Variants in MACROH2A2 observed in about 807,000 individuals in gnomAD.
MACROH2A2 encodes macroH2A.2 histone.
A neutral mutation model predicts 37.6 loss-of-function variants in MACROH2A2; 6 were observed. That is an observed-to-expected ratio of 0.16 (90% CI 0.09 to 0.32). The LOEUF is 0.32. MACROH2A2 is among the 10% of genes least tolerant of loss of function. The pLI is 1.00. For missense variants in MACROH2A2, 290 were observed against 485.9 expected, an observed-to-expected ratio of 0.60 and a Z score of 3.79; for synonymous variants, 192 against 202.7, an observed-to-expected ratio of 0.95 and a Z score of 0.45.
chr10:70,068,991 G>A (rs555620578), intron 1 of MACROH2A2, among the ~76,000 whole-genome samples: 9 of 152,278 alleles, frequency 5.9e-5, no homozygotes, highest in Admixed American at 3.9e-4. Flanking sequence ...TGATGGTATC[G>A]ATTGCAAGAT....
chr10:70,088,204 C>T (rs1391005196), intron 2 of MACROH2A2, among the ~76,000 whole-genome samples: 2 of 148,800 alleles, frequency 1.3e-5, no homozygotes, highest in African/African-American at 4.9e-5. Context: ...CACACTCACA[C>T]ACACACAGTA....
At chr10:70,059,711 G>A (rs531567871) in intron 1 of MACROH2A2, among the ~76,000 whole-genome samples, 1 of 152,280 alleles carries the variant, frequency 6.6e-6, no homozygotes, top group East Asian at 1.9e-4. Context: ...AACCCTACGA[G>A]GTCTACTGAT....
In MACROH2A2 at chr10:70,091,894, C is replaced by T. The variant is rs776441970; in HGVS notation, c.417C>T (p.Ala139=). 8.1e-6 allele frequency: 13 copies of T among 1,613,806 alleles called. No individual in the cohort carries two copies. The highest frequency in any genetic ancestry group is 3.3e-5 in the Admixed American group (2 of 59,980). The change falls in exon 4 of 9, where the codon GCC becomes GCT. Residue 139 remains alanine (A), a synonymous_variant. Transcript: ENST00000373255. ...SPPPEKRGRK[A]TSGKKGGKKS... ...CCCCAGAGAAAAGAGGCAGGAAGGC[C>T]ACGTCAGGCAAGAAGGGGGGGAAGA...
chr10:70,078,106 C>G (rs1034379622), intron 2 of MACROH2A2, among the ~76,000 whole-genome samples: 9 of 152,220 alleles, frequency 5.9e-5, no homozygotes, highest in African/African-American at 1.9e-4. Flanking sequence ...CAAAATTTGG[C>G]CTTTGGAATC....
chr10:70,109,654 A>G (rs1470701153), intron 8 of MACROH2A2, among the ~76,000 whole-genome samples: 1 of 152,204 alleles, frequency 6.6e-6, no homozygotes, highest in African/African-American at 2.4e-5. Flanking sequence ...AGAATGCAGA[A>G]TCTCAGGCCC....
intron 3 of MACROH2A2, among the ~76,000 whole-genome samples, chr10:70,090,961 G>C (rs1459816005): frequency 6.6e-6 from 1 of 152,200 alleles, no homozygotes; most frequent in African/African-American, 2.4e-5. Flanking sequence ...TATATTAGTG[G>C]AGTAGTACGT....
intron 2 of MACROH2A2, among the ~76,000 whole-genome samples, chr10:70,086,807 C>A (rs2072214639): frequency 6.6e-6 from 1 of 152,146 alleles, no homozygotes; most frequent in Non-Finnish European, 1.5e-5. Context: ...CATGTGTACC[C>A]CAGAAATGAG....
At chr10:70,086,330 C>A (rs2072211305) in intron 2 of MACROH2A2, among the ~76,000 whole-genome samples, 3 of 150,988 alleles carry the variant, frequency 2.0e-5, no homozygotes, top group African/African-American at 7.3e-5. Flanking sequence ...TGCTTTTGCA[C>A]TAGAACACAT....
chr10:70,057,397 C>T (rs2072024661), intron 1 of MACROH2A2, among the ~76,000 whole-genome samples: 1 of 152,144 alleles, frequency 6.6e-6, no homozygotes, highest in Non-Finnish European at 1.5e-5. Context: ...TCACTCAAGT[C>T]CCTTTCAGTC....
intron 6 of MACROH2A2, among the ~76,000 whole-genome samples, chr10:70,096,073 T>G (rs1315022029): frequency 6.6e-6 from 1 of 152,092 alleles, no homozygotes; most frequent in African/African-American, 2.4e-5. Flanking sequence ...CCCAGAAGTC[T>G]CCCTCAGCCC....
At position 70,100,264 on chromosome 10, in the gene MACROH2A2, C is replaced by T. The variant is rs2136640318; in HGVS notation, c.745C>T (p.Arg249Cys). The change falls in exon 7 of 9, where the codon CGC (arginine) becomes TGC (cysteine). Residue 249 changes from arginine to cysteine, a missense_variant. By Grantham distance (180) the Arg-to-Cys change is radical. Coordinates refer to ENST00000373255, the MANE Select transcript of MACROH2A2 (RefSeq NM_018649.3). ...KEFLETVKEL[R>C]KSQGPLEVAE... is the part of the protein sequence containing the mutation. ...GTTCTTGGAAACGGTAAAGGAGCTT[C>T]GCAAATCCCAAGGCCCTTTGGAAGT... is the stretch of plus-strand genomic sequence containing the variant. The T allele has an allele frequency of 1.2e-6, 2 of 1,610,690 alleles. No homozygotes were observed. Among genetic ancestry groups the T allele is most frequent in the Admixed American group, 1.7e-5 (1 of 59,900 alleles).
At chr10:70,056,677 G>C (rs571122012) in intron 1 of MACROH2A2, among the ~76,000 whole-genome samples, 7 of 152,264 alleles carry the variant, frequency 4.6e-5, no homozygotes, top group Admixed American at 1.3e-4. Context: ...GGGTAAGGGA[G>C]CGAGGCAGGT....
Position 70,072,403 on chromosome 10 carries a change from C to T in MACROH2A2, c.-59-3197C>T, listed in dbSNP as rs190253337. On this transcript the variant is annotated intron_variant, in intron 1 of 8. Transcript: ENST00000373255. ...TGGAAAGTCTTTAGGGACAATAACACGCACGGAGCTGTCATCTCCTGTAAT... is the reference window on the plus strand; with the variant it reads ...TGGAAAGTCTTTAGGGACAATAACATGCACGGAGCTGTCATCTCCTGTAAT... Among the ~76,000 whole-genome samples, 486 of 152,256 alleles carry T rather than the reference C, an allele frequency of 3.2e-3. 2 individuals carry two copies. The highest frequency in any genetic ancestry group is 6.8e-3 in the Middle Eastern group (2 of 294).
intron 3 of MACROH2A2, 71 bp downstream of exon 3, chr10:70,090,237 C>T: frequency 1.0e-6 from 1 of 959,084 alleles, no homozygotes; most frequent in Non-Finnish European, 1.7e-6. Context: ...GCCTGGCTGG[C>T]CATGAGTCAC....
Position 70,112,198 on chromosome 10 carries a change from G to GGC in MACROH2A2, c.*516_*517dup, listed in dbSNP as rs1180177066. 6.6e-6 allele frequency: 1 copy of GGC among 151,224 alleles called. No individual in the cohort carries two copies. Among genetic ancestry groups the GGC allele is most frequent in the African/African-American group, 2.4e-5 (1 of 41,126 alleles). The allele number at this position is 151,224 out of a possible 1,614,324, so 9.4% of individuals were successfully genotyped here. On this transcript the variant is annotated 3_prime_UTR_variant, in exon 9 of 9. Coordinates refer to ENST00000373255, the MANE Select transcript of MACROH2A2 (RefSeq NM_018649.3). ...CTACTCCTAAAAAGGTTTTGATTCA[G>GGC]GCTTTTTTTTGGTTTCATTTTGTTT...
intron 1 of MACROH2A2, among the ~76,000 whole-genome samples, chr10:70,061,346 C>G (rs567342803): frequency 1.3e-5 from 2 of 152,200 alleles, no homozygotes; most frequent in Non-Finnish European, 2.9e-5. Flanking sequence ...GCATTGCTAA[C>G]TCAGATTCAA....
rs555862428 is a variant in MACROH2A2, at chr10:70,053,793, C to T, written c.-60+793C>T. ...AAATGGCGGCCCGGCCGTGGCTCGC[C>T]TGGGCAGTCTGGCTCCCGCTTTGCG... is the stretch of plus-strand genomic sequence containing the variant. On this transcript the variant is annotated intron_variant, in intron 1 of 8. Transcript: ENST00000373255. The surrounding 1 kb of genome is among the most constrained non-coding windows in gnomAD (Gnocchi z 4.8). Among the ~76,000 whole-genome samples, 1 of 152,130 alleles carries T rather than the reference C, an allele frequency of 6.6e-6. No homozygotes were observed. The highest frequency in any genetic ancestry group is 2.1e-4 in the South Asian group (1 of 4,822).
At chr10:70,092,322 C>G (rs991556564) in intron 4 of MACROH2A2, among the ~76,000 whole-genome samples, 5 of 152,064 alleles carry the variant, frequency 3.3e-5, no homozygotes, top group Admixed American at 1.3e-4. Flanking sequence ...AATCCCAACA[C>G]TTTGGGAGGC....
At chr10:70,078,677 A>G (rs2072155230) in intron 2 of MACROH2A2, among the ~76,000 whole-genome samples, 1 of 152,220 alleles carries the variant, frequency 6.6e-6, no homozygotes, top group Non-Finnish European at 1.5e-5. Context: ...CCCTCTATTA[A>G]GAGCTGACAA....
Sources: gnomAD v4.1 joint callset for allele counts (sites outside exome capture counted in the v4.1 genomes callset) on GRCh38, gnomAD v4.1.1 for gene constraint, Gnocchi (gnomAD v3.1) non-coding constraint, MANE v1.5 for transcripts, NCBI Gene and HGNC (gene_info 2026-07-23, HGNC 2026-07-21) for gene names.